PROS1: variants seen among roughly 807,000 people sequenced by gnomAD.
The protein encoded by PROS1 is protein S.
In PROS1, 29 loss-of-function variants were observed where a neutral mutation model predicts 75.9. That is an observed-to-expected ratio of 0.38 (90% CI 0.28 to 0.52). PROS1 has a LOEUF of 0.52. PROS1 is among the 20% of genes least tolerant of loss of function. The probability of loss-of-function intolerance (pLI) is 0.83; values close to 1 mark genes in which losing one functional copy is unlikely to be tolerated. For missense variants in PROS1, 680 were observed against 810.3 expected, an observed-to-expected ratio of 0.84 and a Z score of 1.95; for synonymous variants, 245 against 280.6, an observed-to-expected ratio of 0.87 and a Z score of 1.27.
At chr3:93,898,664 T>G (rs1708539687) in intron 7 of PROS1, 95 bp from the exon 8 acceptor site, 1 of 1,405,572 alleles carries the variant, frequency 7.1e-7, no homozygotes, top group Admixed American at 1.7e-5. Context: ...TATGATATAA[T>G]CAATGATAAT....
intron 2 of PROS1, among the ~76,000 whole-genome samples, chr3:93,924,751 C>T (rs1708992183): frequency 6.6e-6 from 1 of 151,808 alleles, no homozygotes. Context: ...CAGCCTTACC[C>T]TCCTGGGCTC....
At chr3:93,947,370 T>A (rs2107236636) in intron 1 of PROS1, among the ~76,000 whole-genome samples, 1 of 152,086 alleles carries the variant, frequency 6.6e-6, no homozygotes, top group South Asian at 2.1e-4. Context: ...CTCTCCCTCT[T>A]CTGTTTGCAG....
In PROS1 at chr3:93,940,952, G is replaced by A. The variant is rs553632229; in HGVS notation, c.77-13545C>T. Among the ~76,000 whole-genome samples the A allele has an allele frequency of 2.2e-4, 34 of 152,118 alleles. No homozygotes were observed. The East Asian group carries it at 3.9e-3, about 17-fold the overall frequency. On this transcript the variant is annotated intron_variant, in intron 1 of 14. Transcript: ENST00000394236. ...CTATCCACCCTCTGGTGCCCAACCC[G>A]TACACTCTTTTGCCCTCAATACCTT...
intron 3 of PROS1, among the ~76,000 whole-genome samples, chr3:93,923,138 T>G (rs1301073852): frequency 1.3e-5 from 2 of 151,792 alleles, no homozygotes; most frequent in Non-Finnish European, 2.9e-5. Flanking sequence ...TATACTTTGG[T>G]TTTTTTTACC....
chr3:93,948,422 G>T (rs1709439697), intron 1 of PROS1, among the ~76,000 whole-genome samples: 1 of 152,128 alleles, frequency 6.6e-6, no homozygotes, highest in Admixed American at 6.5e-5. Flanking sequence ...TGTCTATTAG[G>T]TCTGCTTGGT....
intron 1 of PROS1, among the ~76,000 whole-genome samples, chr3:93,956,024 T>A (rs574817691): frequency 6.6e-6 from 1 of 152,310 alleles, no homozygotes; most frequent in East Asian, 1.9e-4. Flanking sequence ...TTTGCTTTAA[T>A]GTAAATAGAC....
intron 1 of PROS1, among the ~76,000 whole-genome samples, chr3:93,943,073 A>T (rs1322472054): frequency 6.6e-6 from 1 of 152,098 alleles, no homozygotes; most frequent in Non-Finnish European, 1.5e-5. Flanking sequence ...TCCCACCTCT[A>T]TACAGTCCAA....
At chr3:93,972,318 G>T (rs757262805) in intron 1 of PROS1, among the ~76,000 whole-genome samples, 4 of 152,178 alleles carry the variant, frequency 2.6e-5, no homozygotes, top group Non-Finnish European at 4.4e-5. Flanking sequence ...GCTGTTTAAT[G>T]TAAGATCAAA....
intron 1 of PROS1, chr3:93,928,844 G>T: frequency 1.4e-6 from 1 of 734,990 alleles, no homozygotes; most frequent in Non-Finnish European, 2.0e-6. Flanking sequence ...TCACTACAGA[G>T]AATAAACGGG....
At chr3:93,952,148 C>T (rs1248644049) in intron 1 of PROS1, among the ~76,000 whole-genome samples, 4 of 152,080 alleles carry the variant, frequency 2.6e-5, no homozygotes, top group Admixed American at 6.6e-5. Context: ...CTTTAACACC[C>T]CACTGTCAAC....
In PROS1 at chr3:93,877,119, A is replaced by G. The variant is rs202089574; in HGVS notation, c.1717T>C (p.Ser573Pro). 1.2e-6 allele frequency: 2 copies of G among 1,612,828 alleles called. No homozygotes were observed. Among genetic ancestry groups the G allele is most frequent in the Admixed American group, 3.3e-5 (2 of 60,020 alleles). The change falls in exon 14 of 15, where the codon TCT becomes CCT. Residue 573 changes from serine to proline, a missense_variant. Ser to Pro is a moderately conservative substitution (Grantham distance 74). Coordinates refer to ENST00000394236, the MANE Select transcript of PROS1 (RefSeq NM_000313.4). ...CTGTTGACTCTAAATTCCAGATGAG[A>G]TTGTTGATCGGAACATAGACTTAGG... ...QALSLCSDQQSHLEFRVNRNN... is the reference protein window; with the variant it reads ...QALSLCSDQQPHLEFRVNRNN...
intron 1 of PROS1, among the ~76,000 whole-genome samples, chr3:93,950,036 C>G (rs1387379264): frequency 2.0e-5 from 3 of 152,206 alleles, no homozygotes; most frequent in African/African-American, 7.2e-5. Flanking sequence ...GAGATTATAT[C>G]CCGCCCATGG....
chr3:93,948,491 TAATGTTGAC>T (rs1357906735), intron 1 of PROS1, among the ~76,000 whole-genome samples: 1 of 152,184 alleles, frequency 6.6e-6, no homozygotes, highest in Non-Finnish European at 1.5e-5. Context: ...CTGATCTGTC[TAATGTTGAC>T]AATGGGGTGT....
intron 3 of PROS1, among the ~76,000 whole-genome samples, chr3:93,921,785 C>A (rs1267815319): frequency 6.6e-6 from 1 of 151,382 alleles, no homozygotes; most frequent in African/African-American, 2.4e-5. Flanking sequence ...TTTTGTTTTT[C>A]CTTGATTATT....
chr3:93,905,769 C>T lies in PROS1; in HGVS notation c.601+15G>A. On this transcript the variant is annotated intron_variant, in intron 6 of 14. Coordinates refer to ENST00000394236, the MANE Select transcript of PROS1 (RefSeq NM_000313.4). ...ACATAGTAAATGTGTTTTAATTCTA[C>T]CATCCTGCTCTTACCTTTACAATCT... The T allele has an allele frequency of 6.2e-7, 1 of 1,609,326 alleles. No individual in the cohort carries two copies. The highest frequency in any genetic ancestry group is 8.5e-7 in the Non-Finnish European group (1 of 1,175,984).
At chr3:93,947,118 A>C (rs1026971476) in intron 1 of PROS1, among the ~76,000 whole-genome samples, 1 of 152,236 alleles carries the variant, frequency 6.6e-6, no homozygotes, top group Non-Finnish European at 1.5e-5. Flanking sequence ...CCACGATGAG[A>C]TACCATCTCA....
At position 93,971,081 on chromosome 3, in the gene PROS1, C is replaced by T. The variant is rs192080466; in HGVS notation, c.76+2593G>A. Among the ~76,000 whole-genome samples, 4 of 152,174 alleles carry T rather than the reference C, an allele frequency of 2.6e-5. 1 individual carries two copies. The East Asian group carries it at 7.7e-4, about 29-fold the overall frequency. ...TATAGGCTGGATAAGGTGGCTCACTCCTGTAATCCCAGCACTTTGGGAGGC... is the reference window on the plus strand; with the variant it reads ...TATAGGCTGGATAAGGTGGCTCACTTCTGTAATCCCAGCACTTTGGGAGGC... On this transcript the variant is annotated intron_variant, in intron 1 of 14. Transcript: ENST00000394236.
chr3:93,882,666 G>A lies in PROS1; in HGVS notation c.1492+2062C>T, dbSNP rs755451746. 4.6e-5 allele frequency among the ~76,000 whole-genome samples: 7 copies of A among 152,294 alleles called. No homozygotes were observed. In the South Asian group the frequency reaches 1.0e-3, roughly 23 times the overall value. ...TGCTGAACTCCATGTAGGGGCTGAC[G>A]TAAGAGTTTAGAAGCCCTAGAAATT... is the stretch of plus-strand genomic sequence containing the variant. On this transcript the variant is annotated intron_variant, in intron 12 of 14. Transcript: ENST00000394236.
rs192161192 is a variant in PROS1 at position 93,898,884 on chromosome 3, T to C, written c.728-315A>G. On this transcript the variant is annotated intron_variant, in intron 7 of 14. Transcript: ENST00000394236. ...AAAAAAAAGATTGAGAATCTCAACT[T>C]AACTGTCATTTCTGATCATTTGAAT... Among the ~76,000 whole-genome samples, 21 of 152,182 alleles carry C rather than the reference T, an allele frequency of 1.4e-4. No homozygotes were observed. In the East Asian group the frequency reaches 3.7e-3, roughly 27 times the overall value.
Sources: gnomAD v4.1 joint callset for allele counts (sites outside exome capture counted in the v4.1 genomes callset) on GRCh38, gnomAD v4.1.1 for gene constraint, MANE v1.5 for transcripts, NCBI Gene and HGNC (gene_info 2026-07-23, HGNC 2026-07-21) for gene names.